The following MOBP variants were observed in gnomAD, a reference collection of about 807,000 sequenced individuals.
MOBP encodes myelin-associated oligodendrocyte basic protein.
In MOBP, 5 loss-of-function variants were observed where a neutral mutation model predicts 15.0. The observed-to-expected ratio is 0.33, with a 90% CI of 0.17 to 0.70. The LOEUF (loss-of-function observed/expected upper bound fraction) is 0.70, where lower values mean the gene tolerates loss of function less well. Among genes scored for constraint, MOBP ranks in the 30% least tolerant of loss-of-function variants. The pLI, the probability that MOBP is intolerant of heterozygous loss-of-function variation, is 0.67. For synonymous variants in MOBP, 88 were observed against 99.0 expected (o/e 0.89, Z 0.66); for missense variants, 188 against 257.8 (o/e 0.73, Z 1.85).
chr3:39,471,034 G>A (rs2042462195), intron 1 of MOBP, among the ~76,000 whole-genome samples: 1 of 152,128 alleles, frequency 6.6e-6, no homozygotes, highest in South Asian at 2.1e-4. Context: ...TAGCTAACTT[G>A]TGCTGAATGA....
intron 4 of MOBP, among the ~76,000 whole-genome samples, chr3:39,511,408 G>A (rs578161911): frequency 6.6e-6 from 1 of 152,156 alleles, no homozygotes; most frequent in Non-Finnish European, 1.5e-5. Flanking sequence ...GCTACAATAC[G>A]ATGACTAGAG....
rs200848695 is a variant in MOBP, at chr3:39,502,135, C to A, written c.66C>A (p.Phe22Leu). The A allele has an allele frequency of 7.1e-5, 115 of 1,614,132 alleles. No individual in the cohort carries two copies. The highest frequency in any genetic ancestry group is 9.2e-5 in the Non-Finnish European group (108 of 1,180,050). Residue 22 changes from phenylalanine to leucine, a missense_variant, in exon 3 of 4, where the codon TTC becomes TTA. By Grantham distance (22) the Phe-to-Leu change is conservative. This residue lies in a region of MOBP where 133 missense variants were observed against 212.5 expected (regional missense o/e 0.63). Transcript: ENST00000684792. The surrounding 1 kb of genome is among the most constrained non-coding windows in gnomAD (Gnocchi z 6.3). ...LSKNQKYSEH[F>L]SIHCCPPFTF... ...AAAACCAGAAGTACTCCGAACACTT[C>A]AGCATACACTGCTGCCCGCCGTTCA...
chr3:39,481,932 C>T (rs538012016), intron 2 of MOBP, among the ~76,000 whole-genome samples: 15 of 152,298 alleles, frequency 9.8e-5, no homozygotes, highest in African/African-American at 3.6e-4. Flanking sequence ...CTACCTCTCC[C>T]ATTCAGCCAT....
downstream of MOBP, chr3:39,525,106 C>G (rs1170762355): frequency 6.6e-6 from 1 of 151,896 alleles, no homozygotes; most frequent in Non-Finnish European, 1.5e-5. Flanking sequence ...AAAAATAAAA[C>G]TATCCTTTTG....
intron 1 of MOBP, among the ~76,000 whole-genome samples, chr3:39,468,048 A>T (rs536665317): frequency 6.5e-4 from 99 of 151,500 alleles, no homozygotes; most frequent in African/African-American, 2.4e-3. Context: ...CTGGAGCTAG[A>T]TGGATGGTAG....
At position 39,469,140 on chromosome 3, in the gene MOBP, A is replaced by T. The variant is rs200289163; in HGVS notation, c.-89+1400A>T. On this transcript the variant is annotated intron_variant, in intron 1 of 3. Transcript: ENST00000684792. ...TACATATATACATATGTGTGTGTATATACATATATACATATGTGTGTGTGT... is the reference window on the plus strand; with the variant it reads ...TACATATATACATATGTGTGTGTATTTACATATATACATATGTGTGTGTGT... 2.5e-4 allele frequency among the ~76,000 whole-genome samples: 24 copies of T among 94,814 alleles called. 4 individuals are homozygous for T. The East Asian group carries it at 5.6e-3, about 22-fold the overall frequency. The allele number at this position is 94,814 out of a possible 152,430, so 62.2% of individuals were successfully genotyped here. A position where few individuals can be genotyped will look rare whatever the true frequency, so the allele number is the denominator to read the frequency against.
chr3:39,471,367 G>A (rs1487903571), intron 1 of MOBP, among the ~76,000 whole-genome samples: 3 of 152,088 alleles, frequency 2.0e-5, no homozygotes, highest in African/African-American at 7.2e-5. Flanking sequence ...CTGACCTCGT[G>A]ATCTGCCTGC....
intron 1 of MOBP, among the ~76,000 whole-genome samples, chr3:39,479,379 T>C (rs2125630386): frequency 1.3e-5 from 2 of 150,776 alleles, no homozygotes; most frequent in South Asian, 4.2e-4. Flanking sequence ...AGAATCTTTA[T>C]AATCTTATAA....
At chr3:39,509,152 G>A (rs374736106) in intron 4 of MOBP, among the ~76,000 whole-genome samples, 9 of 152,036 alleles carry the variant, frequency 5.9e-5, no homozygotes, top group South Asian at 2.1e-4. Flanking sequence ...GCTACTCACC[G>A]GTTGAAAGAT....
intron 2 of MOBP, among the ~76,000 whole-genome samples, chr3:39,481,005 A>G (rs2042620773): frequency 6.6e-6 from 1 of 152,150 alleles, no homozygotes; most frequent in African/African-American, 2.4e-5. Context: ...TCATTTACCT[A>G]TCCATTCATC....
At chr3:39,491,025 T>C (rs2042788020) in intron 2 of MOBP, among the ~76,000 whole-genome samples, 1 of 152,210 alleles carries the variant, frequency 6.6e-6, no homozygotes, top group Non-Finnish European at 1.5e-5. Context: ...TGTGAATTTA[T>C]GGGGGAAATT....
At chr3:39,497,421 C>T (rs2042903129) in intron 2 of MOBP, among the ~76,000 whole-genome samples, 2 of 152,220 alleles carry the variant, frequency 1.3e-5, no homozygotes, top group Non-Finnish European at 2.9e-5. Context: ...ACCCCTGGGT[C>T]CATCTCTAGT....
At chr3:39,475,760 G>C (rs1191994797) in intron 1 of MOBP, among the ~76,000 whole-genome samples, 1 of 151,722 alleles carries the variant, frequency 6.6e-6, no homozygotes, top group Non-Finnish European at 1.5e-5. Context: ...ACCCCTCTGA[G>C]CATTTTCTGA....
chr3:39,507,041 A>G (rs922245525), downstream of MOBP, among the ~76,000 whole-genome samples: 1 of 152,088 alleles, frequency 6.6e-6, no homozygotes, highest in Non-Finnish European at 1.5e-5. Context: ...CCAATTGCTC[A>G]ACCTTGAGGT....
chr3:39,475,252 C>A (rs966575283), intron 1 of MOBP, among the ~76,000 whole-genome samples: 1 of 152,152 alleles, frequency 6.6e-6, no homozygotes, highest in Non-Finnish European at 1.5e-5. Flanking sequence ...ATGTGTGCTT[C>A]TCATATCAGA....
At position 39,480,137 on chromosome 3, in the gene MOBP, T is replaced by A. The variant is rs117926448; in HGVS notation, c.-5+14T>A. On this transcript the variant is annotated intron_variant, in intron 2 of 3. Transcript: ENST00000684792. Reference sequence around the variant, plus strand: ...ATGAAAATACAGGTACAAATGAATCTCTTATAGCCTTTTGGATCTGCATCT... The same window carrying A: ...ATGAAAATACAGGTACAAATGAATCACTTATAGCCTTTTGGATCTGCATCT... 6.6e-6 allele frequency: 1 copy of A among 152,182 alleles called. No homozygotes were observed. The highest frequency in any genetic ancestry group is 1.9e-4 in the East Asian group (1 of 5,184). 9.4% of individuals were successfully genotyped at this position (152,182 alleles called of 1,614,324 possible).
chr3:39,523,794 A>T (rs2043298191), intron 3 of MOBP, among the ~76,000 whole-genome samples: 1 of 152,194 alleles, frequency 6.6e-6, no homozygotes, highest in Admixed American at 6.5e-5. Context: ...TGGAAAAGAC[A>T]TGGAGTTATG....
intron 2 of MOBP, among the ~76,000 whole-genome samples, chr3:39,487,964 T>G (rs1433715455): frequency 6.6e-6 from 1 of 152,212 alleles, no homozygotes; most frequent in Non-Finnish European, 1.5e-5. Context: ...ACATCTTTTA[T>G]GATAAAGTTT....
downstream of MOBP, among the ~76,000 whole-genome samples, chr3:39,506,827 A>G (rs186733851): frequency 3.2e-4 from 49 of 152,340 alleles, no homozygotes; most frequent in Non-Finnish European, 1.5e-5. Context: ...GTTTGCTCTA[A>G]TGGTTACCTG....
Sources: allele counts gnomAD v4.1 joint callset (sites outside exome capture counted in the v4.1 genomes callset), GRCh38; gene constraint gnomAD v4.1.1; regional missense constraint gnomAD v4.1.1; non-coding constraint Gnocchi (gnomAD v3.1); transcripts MANE v1.5; gene names NCBI Gene and HGNC (gene_info 2026-07-23, HGNC 2026-07-21).